SUSD6: variants seen among roughly 807,000 people sequenced by gnomAD.
SUSD6 encodes the protein sushi domain containing 6.
A neutral mutation model predicts 28.4 loss-of-function variants in SUSD6; 16 were observed. The observed-to-expected ratio is 0.56, with a 90% CI of 0.38 to 0.86. The LOEUF is 0.86. SUSD6 is among the 40% of genes least tolerant of loss of function. SUSD6 has a pLI of 0.00. For synonymous variants in SUSD6, 147 were observed against 159.6 expected (o/e 0.92, Z 0.59); for missense variants, 341 against 384.2 (o/e 0.89, Z 0.94).
At chr14:69,621,052 C>T (rs1885030604) in intron 1 of SUSD6, among the ~76,000 whole-genome samples, 1 of 152,148 alleles carries the variant, frequency 6.6e-6, no homozygotes, top group Admixed American at 6.6e-5. Flanking sequence ...AACGTACGCC[C>T]TCCCCCTATA....
intron 1 of SUSD6, among the ~76,000 whole-genome samples, chr14:69,612,506 C>G (rs1884894672): frequency 6.6e-6 from 1 of 151,750 alleles, no homozygotes; most frequent in African/African-American, 2.4e-5. Flanking sequence ...GTGGATCTGA[C>G]TCTCCCTCAT....
chr14:69,650,230 G>A (rs1183819587), intron 1 of SUSD6, among the ~76,000 whole-genome samples: 3 of 152,140 alleles, frequency 2.0e-5, no homozygotes, highest in African/African-American at 7.2e-5. Flanking sequence ...GTGGGGGTCA[G>A]TCACGGCCTG....
intron 1 of SUSD6, among the ~76,000 whole-genome samples, chr14:69,655,222 A>T (rs988650773): frequency 1.3e-5 from 2 of 152,170 alleles, no homozygotes; most frequent in Non-Finnish European, 2.9e-5. Flanking sequence ...TTTAGAAGTC[A>T]TTCCATATTA....
At position 69,712,817 on chromosome 14, in the gene SUSD6, C is replaced by T. The variant is rs1213899811; in HGVS notation, c.*1838C>T. ...GCCTGTTGGCCACTCCCACACTTCC[C>T]CTCCCCCAGGAGCCCTCATCTGCTG... On this transcript the variant is annotated 3_prime_UTR_variant, in exon 6 of 6. Coordinates refer to ENST00000342745, the MANE Select transcript of SUSD6 (RefSeq NM_014734.4). 6.6e-6 allele frequency: 1 copy of T among 152,580 alleles called. No individual in the cohort carries two copies. The highest frequency in any genetic ancestry group is 2.4e-5 in the African/African-American group (1 of 41,444). 9.5% of individuals were successfully genotyped at this position (152,580 alleles called of 1,614,324 possible). A position where few individuals can be genotyped will look rare whatever the true frequency, so the allele number is the denominator to read the frequency against.
At chr14:69,627,289 T>G (rs971967140) in intron 1 of SUSD6, among the ~76,000 whole-genome samples, 19 of 152,178 alleles carry the variant, frequency 1.2e-4, no homozygotes, top group Admixed American at 9.8e-4. Context: ...AGGATGAAGC[T>G]CTGGGTTTAT....
chr14:69,709,645 G>A (rs749792642), intron 5 of SUSD6, among the ~76,000 whole-genome samples: 5 of 152,214 alleles, frequency 3.3e-5, no homozygotes, highest in Non-Finnish European at 7.3e-5. Flanking sequence ...AAGGCTCACA[G>A]AAGGTAAGTC....
At chr14:69,687,794 ATTAAG>A (rs1193247257) in intron 2 of SUSD6, among the ~76,000 whole-genome samples, 1 of 152,344 alleles carries the variant, frequency 6.6e-6, no homozygotes, top group East Asian at 1.9e-4. Context: ...ACAACTGTTA[ATTAAG>A]AGAATTCAGC....
At chr14:69,687,653 C>T (rs2139634782) in intron 2 of SUSD6, among the ~76,000 whole-genome samples, 1 of 152,316 alleles carries the variant, frequency 6.6e-6, no homozygotes, top group South Asian at 2.1e-4. Flanking sequence ...AACTAACCAA[C>T]ATTCCACACT....
intron 3 of SUSD6, 23 bp downstream of exon 3, chr14:69,703,615 G>T (rs759291718): frequency 6.2e-7 from 1 of 1,605,366 alleles, no homozygotes; most frequent in Non-Finnish European, 8.5e-7. Context: ...GATGAAAAAG[G>T]GATGCTGCTG....
intron 2 of SUSD6, among the ~76,000 whole-genome samples, chr14:69,664,434 G>T (rs533208945): frequency 3.3e-5 from 5 of 152,264 alleles, no homozygotes; most frequent in Non-Finnish European, 5.9e-5. Context: ...CAAAACATCC[G>T]CAAAGCATCT....
intron 1 of SUSD6, among the ~76,000 whole-genome samples, chr14:69,628,898 G>C (rs531069114): frequency 1.2e-4 from 19 of 152,056 alleles, no homozygotes; most frequent in Middle Eastern, 3.4e-3. Context: ...GAAGAGATGG[G>C]GTTTTGCCAT....
At chr14:69,648,073 T>C (rs775350624) in intron 1 of SUSD6, among the ~76,000 whole-genome samples, 1 of 152,182 alleles carries the variant, frequency 6.6e-6, no homozygotes, top group Admixed American at 6.6e-5. Context: ...TTTCAGATGA[T>C]GATGACAATA....
intron 1 of SUSD6, among the ~76,000 whole-genome samples, chr14:69,636,595 C>T (rs1288342321): frequency 1.3e-5 from 2 of 152,244 alleles, no homozygotes; most frequent in Non-Finnish European, 2.9e-5. Flanking sequence ...CTCACAGAGC[C>T]TATCTCCGGT....
intron 3 of SUSD6, chr14:69,703,843 C>T (rs1886347383): frequency 3.6e-6 from 2 of 553,974 alleles, no homozygotes; most frequent in Admixed American, 6.3e-5. Flanking sequence ...TTCAGGATCT[C>T]TTGTTTGCAT....
At chr14:69,669,373 T>A (rs1885796126) in intron 2 of SUSD6, among the ~76,000 whole-genome samples, 1 of 152,202 alleles carries the variant, frequency 6.6e-6, no homozygotes, top group African/African-American at 2.4e-5. Context: ...CAAGTATTTC[T>A]TTATAGCAGA....
intron 1 of SUSD6, among the ~76,000 whole-genome samples, chr14:69,623,693 A>T (rs890184879): frequency 2.0e-5 from 3 of 152,216 alleles, no homozygotes; most frequent in Non-Finnish European, 4.4e-5. Flanking sequence ...GTGAAATAAG[A>T]TGCTGAGATG....
intron 1 of SUSD6, among the ~76,000 whole-genome samples, chr14:69,626,816 C>T (rs913118139): frequency 6.6e-6 from 1 of 151,478 alleles, no homozygotes; most frequent in Non-Finnish European, 1.5e-5. Flanking sequence ...CTAAGCAGCT[C>T]GGATTACAGG....
At chr14:69,706,893 A>G (rs1320112908) in intron 4 of SUSD6, among the ~76,000 whole-genome samples, 1 of 152,206 alleles carries the variant, frequency 6.6e-6, no homozygotes, top group Middle Eastern at 3.2e-3. Flanking sequence ...TATTTCTTGA[A>G]TTGATGAGCT....
At chr14:69,701,745 C>G (rs1886315310) in intron 2 of SUSD6, among the ~76,000 whole-genome samples, 1 of 152,140 alleles carries the variant, frequency 6.6e-6, no homozygotes, top group Admixed American at 6.5e-5. Flanking sequence ...TTCAGAGAAG[C>G]TGCCAGACTT....
Sources: gnomAD v4.1 joint callset for allele counts (sites outside exome capture counted in the v4.1 genomes callset) on GRCh38, gnomAD v4.1.1 for gene constraint, MANE v1.5 for transcripts, NCBI Gene and HGNC (gene_info 2026-07-23, HGNC 2026-07-21) for gene names.